Variants in PPARA observed in about 807,000 individuals in gnomAD.
The protein encoded by PPARA is peroxisome proliferator activated receptor alpha.
Under a neutral mutation model 42.2 loss-of-function variants are expected in PPARA, and 22 were observed. That is an observed-to-expected ratio of 0.52 (90% CI 0.37 to 0.74). The LOEUF is 0.74. Ranked by LOEUF, PPARA falls within the 30% of genes least tolerant of loss-of-function variation. The pLI is 0.00. For missense variants in PPARA, 465 were observed against 608.2 expected (o/e 0.76, Z 2.48); for synonymous variants, 242 against 239.3 (o/e 1.01, Z -0.10).
Position 46,165,640 on chromosome 22 carries a change from G to A in PPARA, c.-126-11113G>A, listed in dbSNP as rs968017798. Among the ~76,000 whole-genome samples the A allele has an allele frequency of 3.2e-4, 49 of 152,172 alleles. No individual in the cohort carries two copies. Among genetic ancestry groups the A allele is most frequent in the African/African-American group, 1.1e-3 (47 of 41,418 alleles). ...AAAAAGCTCCATCCCAGGAGTACAG[G>A]TGACCTGGAAACGGATCAGCGTAAT... On this transcript the variant is annotated intron_variant, in intron 2 of 8. Coordinates refer to ENST00000407236, the MANE Select transcript of PPARA (RefSeq NM_005036.6). This position sits in a 1 kb window ranked among gnomAD's most constrained non-coding sequence, Gnocchi z 5.5.
rs1026286559 is a variant in PPARA, at chr22:46,230,217, C to T, written c.712-1575C>T. ...TGTAACCCCGTCTCTACTAAAAATA[C>T]AAAATTAGCTGGGCGTGGTGGCGCA... On this transcript the variant is annotated intron_variant, in intron 7 of 8. Coordinates refer to ENST00000407236, the MANE Select transcript of PPARA (RefSeq NM_005036.6). The surrounding 1 kb of genome is among the most constrained non-coding windows in gnomAD (Gnocchi z 5.0). Among the ~76,000 whole-genome samples the T allele has an allele frequency of 2.6e-5, 4 of 152,178 alleles. No homozygotes were observed. The highest frequency in any genetic ancestry group is 4.4e-5 in the Non-Finnish European group (3 of 68,004).
chr22:46,202,413 C>T (rs1905491022), intron 4 of PPARA, among the ~76,000 whole-genome samples: 1 of 152,078 alleles, frequency 6.6e-6, no homozygotes, highest in Admixed American at 6.6e-5. Flanking sequence ...TAACCCAATT[C>T]CACAGACTGA....
intron 2 of PPARA, among the ~76,000 whole-genome samples, chr22:46,176,452 C>G (rs2147233005): frequency 6.6e-6 from 1 of 152,332 alleles, no homozygotes; most frequent in Non-Finnish European, 1.5e-5. Flanking sequence ...TGCCACTGCA[C>G]TCCAGCCTGG....
rs535820528 is a variant in PPARA at position 46,214,047 on chromosome 22, T to C, written c.209-1126T>C. ...ATTAGCTTTCATAGATTCCAACTTA[T>C]ATTTTCTCTTTCATGGATTGTGCAT... On this transcript the variant is annotated intron_variant, in intron 4 of 8. Coordinates refer to ENST00000407236, the MANE Select transcript of PPARA (RefSeq NM_005036.6). Among the ~76,000 whole-genome samples the C allele has an allele frequency of 8.6e-4, 131 of 152,396 alleles. 1 individual carries two copies. Among genetic ancestry groups the C allele is most frequent in the Middle Eastern group, 3.4e-3 (1 of 294 alleles).
In PPARA at chr22:46,192,021, C is replaced by T. The variant is rs559649480; in HGVS notation, c.-42-6321C>T. 3.9e-5 allele frequency among the ~76,000 whole-genome samples: 6 copies of T among 152,130 alleles called. No homozygotes were observed. The highest frequency in any genetic ancestry group is 1.3e-4 in the Admixed American group (2 of 15,254). The stretch of plus-strand genomic sequence containing the variant: ...CGGAAGTTGCGGTGAGCCGAGATCA[C>T]GCCACTGTACTCCAGCCTGGTGACA... On this transcript the variant is annotated intron_variant, in intron 3 of 8. Transcript: ENST00000407236. This position sits in a 1 kb window ranked among gnomAD's most constrained non-coding sequence, Gnocchi z 4.3.
rs1405282181 is a variant in PPARA at position 46,192,405 on chromosome 22, T to G, written c.-42-5937T>G. Among the ~76,000 whole-genome samples, 1 of 152,258 alleles carries G rather than the reference T, an allele frequency of 6.6e-6. No individual in the cohort carries two copies. Among genetic ancestry groups the G allele is most frequent in the Non-Finnish European group, 1.5e-5 (1 of 68,044 alleles). ...CCTCGTGTTAGTTATGAATTACCGT[T>G]GGAATCCTTCCAGTGTTTGCACCTG... On this transcript the variant is annotated intron_variant, in intron 3 of 8. Transcript: ENST00000407236. The surrounding 1 kb of genome is among the most constrained non-coding windows in gnomAD (Gnocchi z 4.3).
chr22:46,207,488 T>C lies in PPARA; in HGVS notation c.209-7685T>C, dbSNP rs537242332. 3.0e-3 allele frequency among the ~76,000 whole-genome samples: 454 copies of C among 150,120 alleles called. 3 individuals are homozygous for C. Among genetic ancestry groups the C allele is most frequent in the African/African-American group, 0.011 (442 of 41,208 alleles). Reference sequence around the variant, plus strand: ...TTAGTAGAGATGGGGTTTCACCATGTTAGCCAGGATGGTCTCAATCTCCTG... The same window carrying C: ...TTAGTAGAGATGGGGTTTCACCATGCTAGCCAGGATGGTCTCAATCTCCTG... On this transcript the variant is annotated intron_variant, in intron 4 of 8. Transcript: ENST00000407236.
intron 5 of PPARA, among the ~76,000 whole-genome samples, chr22:46,217,803 G>A (rs1177018359): frequency 7.3e-6 from 1 of 136,388 alleles, no homozygotes; most frequent in East Asian, 2.2e-4. Context: ...AGACTTCTTA[G>A]AAGAACTATT....
chr22:46,197,030 G>GTCTGGT (rs1932326150), intron 3 of PPARA, among the ~76,000 whole-genome samples: 1 of 148,128 alleles, frequency 6.8e-6, no homozygotes, highest in African/African-American at 2.6e-5. Context: ...CCTGTTTTTT[G>GTCTGGT]TTTGGTTTTG....
At chr22:46,179,354 A>G (rs921102999) in intron 3 of PPARA, among the ~76,000 whole-genome samples, 1 of 152,206 alleles carries the variant, frequency 6.6e-6, no homozygotes, top group Non-Finnish European at 1.5e-5. Flanking sequence ...AAGAAAAACC[A>G]TGTGATCATC....
At chr22:46,208,892 T>G (rs1283342891) in intron 4 of PPARA, among the ~76,000 whole-genome samples, 1 of 150,182 alleles carries the variant, frequency 6.7e-6, no homozygotes, top group African/African-American at 2.5e-5. Context: ...TAAGGCTGAA[T>G]AGTATTCGTG....
intron 2 of PPARA, among the ~76,000 whole-genome samples, chr22:46,169,874 C>T (rs1320121339): frequency 6.6e-6 from 1 of 151,922 alleles, no homozygotes; most frequent in Non-Finnish European, 1.5e-5. Flanking sequence ...GGGATACTGA[C>T]ATCTGACACC....
chr22:46,222,468 A>G lies in PPARA; in HGVS notation c.711+2454A>G, dbSNP rs1205164878. 6.6e-6 allele frequency among the ~76,000 whole-genome samples: 1 copy of G among 152,124 alleles called. No individual in the cohort carries two copies. The highest frequency in any genetic ancestry group is 1.5e-5 in the Non-Finnish European group (1 of 68,020). ...CTACTTACTTTCATGAACAAACCAAACCTCTTCTTTACTGAGTCCTTTAAT... is the reference window on the plus strand; with the variant it reads ...CTACTTACTTTCATGAACAAACCAAGCCTCTTCTTTACTGAGTCCTTTAAT... On this transcript the variant is annotated intron_variant, in intron 7 of 8. Transcript: ENST00000407236. The surrounding 1 kb of genome is among the most constrained non-coding windows in gnomAD (Gnocchi z 5.9).
rs775327850 is a variant in PPARA, at chr22:46,200,019, G to A, written c.208+1428G>A. Among the ~76,000 whole-genome samples the A allele has an allele frequency of 1.3e-5, 2 of 152,110 alleles. No individual in the cohort carries two copies. The highest frequency in any genetic ancestry group is 2.9e-5 in the Non-Finnish European group (2 of 68,022). ...ATCACAGGCATGAGCCACTGCACCC[G>A]GCCCAATTAAAATCTTTAACACTAA... On this transcript the variant is annotated intron_variant, in intron 4 of 8. Coordinates refer to ENST00000407236, the MANE Select transcript of PPARA (RefSeq NM_005036.6). This position sits in a 1 kb window ranked among gnomAD's most constrained non-coding sequence, Gnocchi z 4.8.
rs1389242671 is a variant in PPARA at position 46,222,175 on chromosome 22, A to G, written c.711+2161A>G. Among the ~76,000 whole-genome samples the G allele has an allele frequency of 2.0e-5, 3 of 151,870 alleles. No homozygotes were observed. Among genetic ancestry groups the G allele is most frequent in the African/African-American group, 7.3e-5 (3 of 41,326 alleles). On this transcript the variant is annotated intron_variant, in intron 7 of 8. Coordinates refer to ENST00000407236, the MANE Select transcript of PPARA (RefSeq NM_005036.6). The surrounding 1 kb of genome is among the most constrained non-coding windows in gnomAD (Gnocchi z 5.9). The stretch of plus-strand genomic sequence containing the variant: ...TTCAGAGGCAGCCAAATTGCCCCTC[A>G]TGGTTCGTCCCCCACATCCCCGCCT...
chr22:46,232,143 A>G lies in PPARA; in HGVS notation c.1063A>G (p.Met355Val), dbSNP rs1249403463. 1.9e-6 allele frequency: 3 copies of G among 1,614,234 alleles called. No individual in the cohort carries two copies. The highest frequency in any genetic ancestry group is 2.5e-6 in the Non-Finnish European group (3 of 1,180,046). The change falls in exon 8 of 9, where the codon ATG (methionine) becomes GTG (valine). Residue 355 changes from methionine (M) to valine (V), a missense_variant. By Grantham distance (21) the Met-to-Val change is conservative (BLOSUM62 1). This residue lies in a region of PPARA where 313 missense variants were observed against 469.1 expected (regional missense o/e 0.67). Coordinates refer to ENST00000407236, the MANE Select transcript of PPARA (RefSeq NM_005036.6). This position sits in a 1 kb window ranked among gnomAD's most constrained non-coding sequence, Gnocchi z 5.3. ...CCTAAGGAAACCGTTCTGTGATATC[A>G]TGGAACCCAAGTTTGATTTTGCCAT... is the stretch of plus-strand genomic sequence containing the variant. Reference protein sequence around the residue: ...KSLRKPFCDIMEPKFDFAMKF... With the variant: ...KSLRKPFCDIVEPKFDFAMKF...
rs4253644 is a variant in PPARA at position 46,167,946 on chromosome 22, G to A, written c.-126-8807G>A. ...CATGTCTGTAGTCCTAGCTACTCAC[G>A]AAGCTGAGGCAGGAGGATCACTTGA... is the stretch of plus-strand genomic sequence containing the variant. On this transcript the variant is annotated intron_variant, in intron 2 of 8. Coordinates refer to ENST00000407236, the MANE Select transcript of PPARA (RefSeq NM_005036.6). The surrounding 1 kb of genome is among the most constrained non-coding windows in gnomAD (Gnocchi z 4.1). 5.9e-3 allele frequency among the ~76,000 whole-genome samples: 900 copies of A among 151,946 alleles called. 9 individuals are homozygous for A. The highest frequency in any genetic ancestry group is 0.021 in the African/African-American group (857 of 41,468).
In PPARA at chr22:46,219,071, A is replaced by G. The variant is rs1254062406; in HGVS notation, c.508+670A>G. 6.6e-6 allele frequency among the ~76,000 whole-genome samples: 1 copy of G among 150,668 alleles called. No homozygotes were observed. Among genetic ancestry groups the G allele is most frequent in the Non-Finnish European group, 1.5e-5 (1 of 67,774 alleles). On this transcript the variant is annotated intron_variant, in intron 6 of 8. Transcript: ENST00000407236. This position sits in a 1 kb window ranked among gnomAD's most constrained non-coding sequence, Gnocchi z 4.8. ...CAGCTACTTGGGAGGATGAGACAGG[A>G]GAATAGCTTGAACCCGGGAGGCGGA...
chr22:46,179,919 G>A (rs544223224), intron 3 of PPARA, among the ~76,000 whole-genome samples: 6 of 152,324 alleles, frequency 3.9e-5, no homozygotes, highest in Admixed American at 1.3e-4. Flanking sequence ...CAAACACATT[G>A]TCAAAGAAGA....
Sources: gnomAD v4.1 joint callset for allele counts (sites outside exome capture counted in the v4.1 genomes callset) on GRCh38, gnomAD v4.1.1 for gene constraint, gnomAD v4.1.1 regional missense constraint, Gnocchi (gnomAD v3.1) non-coding constraint, MANE v1.5 for transcripts, NCBI Gene and HGNC (gene_info 2026-07-23, HGNC 2026-07-21) for gene names.